ASTN2: variants seen among roughly 807,000 people sequenced by gnomAD.
ASTN2 encodes the protein astrotactin 2.
ASTN2 carries 54 observed loss-of-function variants against 139.8 expected under a neutral mutation model. The ratio of observed to expected loss-of-function variants is 0.39; its 90% CI spans 0.31 to 0.48. The LOEUF is 0.48. ASTN2 is among the 20% of genes least tolerant of loss of function. The pLI, the probability that ASTN2 is intolerant of heterozygous loss-of-function variation, is 0.95. For missense variants in ASTN2, 1,565 were observed against 1,725.1 expected (o/e 0.91, Z 1.64); for synonymous variants, 756 against 719.5 (o/e 1.05, Z -0.81).
At chr9:117,253,932 C>T (rs1833610086) in intron 2 of ASTN2, among the ~76,000 whole-genome samples, 1 of 152,158 alleles carries the variant, frequency 6.6e-6, no homozygotes, top group Admixed American at 6.5e-5. Context: ...GCATGAAGTG[C>T]CAGCACCAGG....
intron 9 of ASTN2, among the ~76,000 whole-genome samples, chr9:116,975,899 A>G (rs554033993): frequency 6.6e-6 from 1 of 152,308 alleles, no homozygotes; most frequent in East Asian, 1.9e-4. Flanking sequence ...CAGTTCAAGT[A>G]TCTGAGTCTA....
intron 16 of ASTN2, among the ~76,000 whole-genome samples, chr9:116,689,601 T>G (rs12237968): frequency 0.089 from 13,574 of 152,256 alleles, 624 homozygotes; most frequent in East Asian, 0.15. Context: ...ATTCCCGCTT[T>G]CCTTGCTTCT....
intron 2 of ASTN2, among the ~76,000 whole-genome samples, chr9:117,290,210 G>A (rs749180472): frequency 3.3e-5 from 5 of 152,114 alleles, no homozygotes; most frequent in African/African-American, 9.7e-5. Context: ...TGGCAGAGCC[G>A]TACTAAAGAA....
intron 17 of ASTN2, among the ~76,000 whole-genome samples, chr9:116,623,311 G>T (rs1856270084): frequency 6.6e-6 from 1 of 152,084 alleles, no homozygotes; most frequent in African/African-American, 2.4e-5. Context: ...AAGAAATCCT[G>T]CCTGTAAGAA....
intron 13 of ASTN2, among the ~76,000 whole-genome samples, chr9:116,739,549 T>C (rs1829043182): frequency 6.6e-6 from 1 of 152,210 alleles, no homozygotes; most frequent in South Asian, 2.1e-4. Flanking sequence ...GACCATCCAC[T>C]ATTCCTCTGC....
At chr9:116,886,149 T>C (rs1303191513) in intron 10 of ASTN2, among the ~76,000 whole-genome samples, 1 of 152,188 alleles carries the variant, frequency 6.6e-6, no homozygotes, top group Non-Finnish European at 1.5e-5. Flanking sequence ...CAGACAGATC[T>C]ACAGTCCCAG....
At chr9:117,348,698 T>C (rs940964288) in intron 1 of ASTN2, among the ~76,000 whole-genome samples, 9 of 152,132 alleles carry the variant, frequency 5.9e-5, no homozygotes, top group Admixed American at 3.3e-4. Flanking sequence ...TTCAGCTCCT[T>C]TTTACTGTGA....
intron 19 of ASTN2, among the ~76,000 whole-genome samples, chr9:116,603,901 T>TA (rs1312232117): frequency 6.6e-6 from 1 of 152,160 alleles, no homozygotes; most frequent in African/African-American, 2.4e-5. Flanking sequence ...GAGGGGTTGA[T>TA]AGTCTTGTGT....
intron 19 of ASTN2, among the ~76,000 whole-genome samples, chr9:116,494,159 G>C (rs1307215973): frequency 2.6e-5 from 4 of 152,144 alleles, no homozygotes; most frequent in Non-Finnish European, 5.9e-5. Flanking sequence ...AATGGCAGTA[G>C]GAGGTAGTAG....
intron 10 of ASTN2, among the ~76,000 whole-genome samples, chr9:116,964,760 C>T (rs770580762): frequency 6.6e-6 from 1 of 152,164 alleles, no homozygotes; most frequent in South Asian, 2.1e-4. Flanking sequence ...GAAGTACCTA[C>T]ATGGAGGCCT....
intron 9 of ASTN2, 44 bp downstream of exon 9, chr9:116,976,070 T>G: frequency 6.3e-7 from 1 of 1,582,408 alleles, no homozygotes; most frequent in Non-Finnish European, 8.7e-7. Flanking sequence ...ATCAGTCCTT[T>G]CTCCATTTCC....
At position 117,216,507 on chromosome 9, in the gene ASTN2, G is replaced by T. The variant is rs144015956; in HGVS notation, c.631-1765C>A. Among the ~76,000 whole-genome samples the T allele has an allele frequency of 3.4e-3, 511 of 152,288 alleles. 5 individuals are homozygous for T. The highest frequency in any genetic ancestry group is 0.011 in the African/African-American group (464 of 41,554). ...ACAAATCAAGCAAAGCTATAAGTAC[G>T]TGTATTTATGTGTGTATTTGTGTGT... On this transcript the variant is annotated intron_variant, in intron 2 of 22. Coordinates refer to ENST00000313400, the MANE Select transcript of ASTN2 (RefSeq NM_001365068.1).
intron 16 of ASTN2, among the ~76,000 whole-genome samples, chr9:116,661,027 T>G (rs2131957552): frequency 6.6e-6 from 1 of 152,280 alleles, no homozygotes; most frequent in South Asian, 2.1e-4. Context: ...AGAGGACACC[T>G]GTCTTCAAGT....
chr9:116,632,191 A>G (rs1169476164), intron 17 of ASTN2, among the ~76,000 whole-genome samples: 14 of 20,880 alleles, frequency 6.7e-4, no homozygotes, highest in South Asian at 4.8e-3. Flanking sequence ...AGAGGGAGAG[A>G]GAGAGAAAGA....
At chr9:116,750,407 T>C (rs1342453698) in intron 13 of ASTN2, among the ~76,000 whole-genome samples, 1 of 152,218 alleles carries the variant, frequency 6.6e-6, no homozygotes, top group Non-Finnish European at 1.5e-5. Flanking sequence ...TCTGAAAGTT[T>C]CTTCTTCCCT....
At chr9:117,181,783 A>T (rs1376959131) in intron 3 of ASTN2, among the ~76,000 whole-genome samples, 3 of 152,218 alleles carry the variant, frequency 2.0e-5, no homozygotes, top group Non-Finnish European at 4.4e-5. Flanking sequence ...TAGACAGTAG[A>T]TACTCAGTGT....
At chr9:117,263,108 T>C (rs866591158) in intron 2 of ASTN2, among the ~76,000 whole-genome samples, 12 of 152,202 alleles carry the variant, frequency 7.9e-5, no homozygotes, top group Admixed American at 5.9e-4. Context: ...TTTACAGCAA[T>C]AGAAAACTAC....
chr9:117,307,707 C>A (rs1835037941), intron 1 of ASTN2, among the ~76,000 whole-genome samples: 1 of 152,212 alleles, frequency 6.6e-6, no homozygotes, highest in African/African-American at 2.4e-5. Context: ...CAGGCATGCA[C>A]ATGCCTGCCA....
intron 16 of ASTN2, among the ~76,000 whole-genome samples, chr9:116,668,648 G>A (rs1407385272): frequency 6.6e-6 from 1 of 152,198 alleles, no homozygotes; most frequent in African/African-American, 2.4e-5. Context: ...TTGCTCTCAA[G>A]TTTGGACAAT....
Sources: allele counts gnomAD v4.1 joint callset (sites outside exome capture counted in the v4.1 genomes callset), GRCh38; gene constraint gnomAD v4.1.1; transcripts MANE v1.5; gene names NCBI Gene and HGNC (gene_info 2026-07-23, HGNC 2026-07-21).